DRC11: variants seen among roughly 807,000 people sequenced by gnomAD.
The protein encoded by DRC11 is dynein regulatory complex subunit 11.
the DRC11 span, among the ~76,000 whole-genome samples, chr2:236,341,932 A>G: frequency 6.6e-5 from 10 of 152,058 alleles, no homozygotes; most frequent in African/African-American, 2.4e-4. Flanking sequence ...AAGAGGAGGT[A>G]TTCAACTGAT....
the DRC11 span, among the ~76,000 whole-genome samples, chr2:236,404,647 A>T: frequency 1.3e-5 from 2 of 152,204 alleles, no homozygotes; most frequent in Non-Finnish European, 2.9e-5. Flanking sequence ...CTGTCTGGAC[A>T]TTCCCAGCAC....
At chr2:236,386,547 C>T in the DRC11 span, among the ~76,000 whole-genome samples, 1 of 151,828 alleles carries the variant, frequency 6.6e-6, no homozygotes, top group African/African-American at 2.4e-5. Context: ...TTTGATTCTT[C>T]TCTCTTTTTT....
At chr2:236,358,396 ATC>A in the DRC11 span, among the ~76,000 whole-genome samples, 63 of 141,048 alleles carry the variant, frequency 4.5e-4, no homozygotes, top group Non-Finnish European at 8.5e-4. Context: ...ATATATGAAT[ATC>A]ATATATAAAT....
the DRC11 span, among the ~76,000 whole-genome samples, chr2:236,468,377 C>T: frequency 3.3e-5 from 5 of 152,178 alleles, no homozygotes; most frequent in Non-Finnish European, 5.9e-5. Flanking sequence ...CAGGGGTGAA[C>T]GACCATGCCC....
At chr2:236,346,233 C>T in the DRC11 span, among the ~76,000 whole-genome samples, 1 of 152,226 alleles carries the variant, frequency 6.6e-6, no homozygotes, top group South Asian at 2.1e-4. Flanking sequence ...AGACATGTGC[C>T]AGGCATCAGC....
At chr2:236,399,130 C>G in the DRC11 span, among the ~76,000 whole-genome samples, 1 of 152,060 alleles carries the variant, frequency 6.6e-6, no homozygotes. This position sits in a 1 kb window ranked among gnomAD's most constrained non-coding sequence, Gnocchi z 7.0. Context: ...GCTGGGATTA[C>G]AGGCTCCCGC....
the DRC11 span, among the ~76,000 whole-genome samples, chr2:236,482,857 C>T: frequency 2.4e-4 from 37 of 152,200 alleles, no homozygotes; most frequent in African/African-American, 7.9e-4. This position sits in a 1 kb window ranked among gnomAD's most constrained non-coding sequence, Gnocchi z 4.5. Context: ...TTTCAATGTG[C>T]GAGTGAACTT....
the DRC11 span, among the ~76,000 whole-genome samples, chr2:236,466,982 G>A: frequency 2.6e-5 from 4 of 152,176 alleles, no homozygotes; most frequent in Non-Finnish European, 5.9e-5. Context: ...CACTTGAATG[G>A]CATTTTGGTA....
chr2:236,395,724 T>C, the DRC11 span, among the ~76,000 whole-genome samples: 1 of 152,228 alleles, frequency 6.6e-6, no homozygotes, highest in African/African-American at 2.4e-5. Context: ...TAGAAAAGGT[T>C]TAAATGTGTC....
At chr2:236,488,855 T>C in the DRC11 span, among the ~76,000 whole-genome samples, 1 of 152,254 alleles carries the variant, frequency 6.6e-6, no homozygotes, top group South Asian at 2.1e-4. Context: ...AGGGGCTGTG[T>C]CATTTTTTGA....
At chr2:236,358,281 A>G in the DRC11 span, among the ~76,000 whole-genome samples, 2 of 130,556 alleles carry the variant, frequency 1.5e-5, no homozygotes, top group African/African-American at 6.3e-5. Flanking sequence ...ATATAGATAT[A>G]TATACTATAT....
chr2:236,309,696 C>T, the DRC11 span, among the ~76,000 whole-genome samples: 1 of 152,296 alleles, frequency 6.6e-6, no homozygotes, highest in South Asian at 2.1e-4. This position sits in a 1 kb window ranked among gnomAD's most constrained non-coding sequence, Gnocchi z 5.7. Flanking sequence ...AGAGCATGTT[C>T]TTAACCTGGA....
At chr2:236,487,133 C>A in the DRC11 span, among the ~76,000 whole-genome samples, 4 of 152,138 alleles carry the variant, frequency 2.6e-5, no homozygotes, top group Admixed American at 2.6e-4. Context: ...GATTCCTTTA[C>A]CTTGGTTTCT....
the DRC11 span, among the ~76,000 whole-genome samples, chr2:236,420,099 G>A: frequency 9.9e-4 from 151 of 152,296 alleles, no homozygotes; most frequent in African/African-American, 3.5e-3. This position sits in a 1 kb window ranked among gnomAD's most constrained non-coding sequence, Gnocchi z 4.8. Context: ...TAGCACTTAG[G>A]ATCCGCCAGG....
At chr2:236,308,788 T>G in the DRC11 span, among the ~76,000 whole-genome samples, 642 of 152,350 alleles carry the variant, frequency 4.2e-3, 3 homozygotes, top group African/African-American at 0.015. This position sits in a 1 kb window ranked among gnomAD's most constrained non-coding sequence, Gnocchi z 6.0. Flanking sequence ...ATATCTTGAC[T>G]ATTGTGAATA....
chr2:236,315,694 T>A, the DRC11 span, among the ~76,000 whole-genome samples: 10 of 152,188 alleles, frequency 6.6e-5, no homozygotes, highest in African/African-American at 2.4e-4. The surrounding 1 kb of genome is among the most constrained non-coding windows in gnomAD (Gnocchi z 5.1). Flanking sequence ...TGAGATCATG[T>A]CCTTTGCAGG....
chr2:236,331,273 T>C, the DRC11 span: 3 of 994,982 alleles, frequency 3.0e-6, no homozygotes, highest in Admixed American at 1.8e-5. This position sits in a 1 kb window ranked among gnomAD's most constrained non-coding sequence, Gnocchi z 4.8. Flanking sequence ...CGAGTTCCAA[T>C]TCACGAAACC....
At chr2:236,465,587 T>G in the DRC11 span, 5 of 1,614,004 alleles carry the variant, frequency 3.1e-6, no homozygotes, top group South Asian at 5.5e-5. The surrounding 1 kb of genome is among the most constrained non-coding windows in gnomAD (Gnocchi z 6.2). Flanking sequence ...AGGTCATTCT[T>G]GATGGTAACC....
At chr2:236,346,698 G>A in the DRC11 span, 1 of 169,190 alleles carries the variant, frequency 5.9e-6, no homozygotes, top group Non-Finnish European at 1.5e-5. Flanking sequence ...AGAATGTCAG[G>A]TGACCATCCC....
Sources: allele counts gnomAD v4.1 joint callset (sites outside exome capture counted in the v4.1 genomes callset), GRCh38; gene constraint gnomAD v4.1.1; non-coding constraint Gnocchi (gnomAD v3.1); transcripts MANE v1.5; gene names NCBI Gene and HGNC (gene_info 2026-07-23, HGNC 2026-07-21).